The following SEM1 variants were observed in gnomAD, a reference collection of about 807,000 sequenced individuals.
SEM1 encodes the protein SEM1 26S proteasome subunit, also known as 26S proteasome complex subunit SEM1.
SEM1 carries 3 observed loss-of-function variants against 12.7 expected under a neutral mutation model. The ratio of observed to expected loss-of-function variants is 0.24; its 90% CI spans 0.11 to 0.61. The LOEUF is 0.61. Among genes scored for constraint, SEM1 ranks in the 20% least tolerant of loss-of-function variants. The pLI is 0.88. For missense variants in SEM1, 59 were observed against 81.3 expected (o/e 0.73, Z 1.06); for synonymous variants, 30 against 27.8 (o/e 1.08, Z -0.25).
At chr7:96,657,113 CAGTG>C (rs1339125551) in intron 2 of SEM1, among the ~76,000 whole-genome samples, 2 of 151,886 alleles carry the variant, frequency 1.3e-5, no homozygotes, top group African/African-American at 4.8e-5. Flanking sequence ...CACTTTGAAA[CAGTG>C]AGAACAATTA....
intron 2 of SEM1, among the ~76,000 whole-genome samples, chr7:96,691,264 A>AT: frequency 6.6e-6 from 1 of 152,346 alleles, no homozygotes; most frequent in Non-Finnish European, 1.5e-5. Context: ...GGAAAGAGAA[A>AT]GACGAATGTG....
chr7:96,609,459 A>G (rs6962528), intron 2 of SEM1, among the ~76,000 whole-genome samples: 29,237 of 152,170 alleles, frequency 0.19, 2,889 homozygotes, highest in African/African-American at 0.25. Flanking sequence ...GTTAAAATGT[A>G]TATGTGAGGT....
At chr7:96,615,238 C>CTTTTTTTTTTT (rs1807672872) in intron 2 of SEM1, among the ~76,000 whole-genome samples, 1 of 30,468 alleles carries the variant, frequency 3.3e-5, no homozygotes, top group African/African-American at 8.6e-5. Context: ...TTTTTTGAGT[C>CTTTTTTTTTTT]ATCTTTTTTT....
intron 2 of SEM1, among the ~76,000 whole-genome samples, chr7:96,567,086 A>T (rs898732490): frequency 2.6e-5 from 4 of 151,600 alleles, no homozygotes; most frequent in African/African-American, 9.7e-5. Context: ...GTGTTTCTAA[A>T]TTGCTCCCTA....
At chr7:96,501,986 T>G (rs1462053274) in intron 3 of SEM1, among the ~76,000 whole-genome samples, 1 of 152,130 alleles carries the variant, frequency 6.6e-6, no homozygotes, top group African/African-American at 2.4e-5. Flanking sequence ...GAATTTTGTT[T>G]TCTGTTCCTG....
chr7:96,485,727 A>G (rs1428221659), intron 2 of SEM1, among the ~76,000 whole-genome samples: 1 of 151,642 alleles, frequency 6.6e-6, no homozygotes, highest in Non-Finnish European at 1.5e-5. Flanking sequence ...TTCTTAATAG[A>G]GACAGGGTTT....
chr7:96,521,040 CA>C (rs909363998), intron 2 of SEM1, among the ~76,000 whole-genome samples: 14 of 151,660 alleles, frequency 9.2e-5, no homozygotes, highest in African/African-American at 2.7e-4. Context: ...CAAAACCTCA[CA>C]AAAAAAAGGG....
exon 4 of SEM1, chr7:96,481,931 T>G (rs1802558573): frequency 6.6e-6 from 1 of 152,174 alleles, no homozygotes. Flanking sequence ...CTGAATATTA[T>G]GTTAATTGAG....
chr7:96,483,773 G>A (rs1802637641), exon 4 of SEM1: 4 of 1,501,460 alleles, frequency 2.7e-6, no homozygotes, highest in Non-Finnish European at 2.7e-6. Context: ...AAGACAGAGA[G>A]CCAGGGATAT....
chr7:96,564,620 G>T (rs935180864), intron 2 of SEM1, among the ~76,000 whole-genome samples: 1 of 151,932 alleles, frequency 6.6e-6, no homozygotes, highest in Non-Finnish European at 1.5e-5. Context: ...CATTAAGTGA[G>T]AATGGATCAT....
At chr7:96,673,618 G>A (rs1384508947) in exon 3 of SEM1, 4 of 634,358 alleles carry the variant, frequency 6.3e-6, no homozygotes, top group Non-Finnish European at 1.1e-5. Context: ...TGCCTGAAAT[G>A]CTGTAGCACC....
intron 2 of SEM1, among the ~76,000 whole-genome samples, chr7:96,575,758 T>C (rs987220464): frequency 6.6e-6 from 1 of 152,210 alleles, no homozygotes; most frequent in Non-Finnish European, 1.5e-5. Context: ...ATAATAGCCA[T>C]TCTGTAACAG....
At chr7:96,638,606 C>A (rs971741671) in intron 2 of SEM1, among the ~76,000 whole-genome samples, 2 of 151,808 alleles carry the variant, frequency 1.3e-5, no homozygotes, top group Non-Finnish European at 2.9e-5. Flanking sequence ...AACATAATTA[C>A]AATCATATTT....
chr7:96,584,070 C>T (rs1401839672), intron 2 of SEM1, among the ~76,000 whole-genome samples: 1 of 152,028 alleles, frequency 6.6e-6, no homozygotes, highest in East Asian at 1.9e-4. Context: ...TCTCGATGGC[C>T]TTTACATTTT....
In SEM1 at chr7:96,698,670, G is replaced by A. The variant is rs1174142286; in HGVS notation, c.77-3779C>T. Among the ~76,000 whole-genome samples the A allele has an allele frequency of 2.6e-5, 4 of 152,114 alleles. 1 individual carries two copies. Among genetic ancestry groups the A allele is most frequent in the Non-Finnish European group, 4.4e-5 (3 of 68,016 alleles). ...TTTCTTTAACCAGTCCGTCACTGAT[G>A]GCCATTGGGATCGGTTCCAAGTCTT... On this transcript the variant is annotated intron_variant, in intron 1 of 2. Coordinates refer to ENST00000248566, the MANE Select transcript of SEM1 (RefSeq NM_006304.2).
intron 1 of SEM1, among the ~76,000 whole-genome samples, chr7:96,494,190 C>T (rs1803143558): frequency 6.6e-6 from 1 of 152,128 alleles, no homozygotes; most frequent in Non-Finnish European, 1.5e-5. Context: ...GCATCTTTTG[C>T]ATTGTGGTGT....
chr7:96,581,928 G>T (rs994202410), intron 2 of SEM1, among the ~76,000 whole-genome samples: 20 of 152,196 alleles, frequency 1.3e-4, no homozygotes, highest in African/African-American at 2.2e-4. Flanking sequence ...CAGGGACAAT[G>T]TGACTTCCTC....
At chr7:96,626,105 G>C (rs147008532) in intron 2 of SEM1, among the ~76,000 whole-genome samples, 98 of 151,980 alleles carry the variant, frequency 6.4e-4, no homozygotes, top group African/African-American at 2.2e-3. Context: ...CAAATAATAG[G>C]TCTTATTCAT....
chr7:96,708,666 G>T (rs1360217378), intron 1 of SEM1, among the ~76,000 whole-genome samples: 1 of 152,194 alleles, frequency 6.6e-6, no homozygotes, highest in African/African-American at 2.4e-5. Context: ...CAGTACAGCT[G>T]AAGTTAAGAG....
Sources: allele counts gnomAD v4.1 joint callset (sites outside exome capture counted in the v4.1 genomes callset), GRCh38; gene constraint gnomAD v4.1.1; transcripts MANE v1.5; gene names NCBI Gene and HGNC (gene_info 2026-07-23, HGNC 2026-07-21).